GCFC2: variants seen among roughly 807,000 people sequenced by gnomAD.
GCFC2 encodes the protein GC-rich sequence DNA-binding factor 2, also known as intron Large complex component GCFC2.
In GCFC2, 102 loss-of-function variants were observed where a neutral mutation model predicts 99.4. The ratio of observed to expected loss-of-function variants is 1.03; its 90% CI spans 0.87 to 1.21. GCFC2 has a LOEUF of 1.21. Among genes scored for constraint, GCFC2 ranks in the 50% most tolerant of loss-of-function variants. The pLI, the probability that GCFC2 is intolerant of heterozygous loss-of-function variation, is 0.00. For missense variants in GCFC2, 973 were observed against 920.9 expected (o/e 1.06, Z -0.73); for synonymous variants, 338 against 316.8 (o/e 1.07, Z -0.71).
At chr2:75,711,602 T>C (rs554688831), upstream of GCFC2, among the ~76,000 whole-genome samples, 2 of 152,350 alleles carry the variant, frequency 1.3e-5, no homozygotes, top group East Asian at 1.9e-4. Context: ...TGGCGTCATA[T>C]TGAGAGGTGA....
chr2:75,673,097 T>A (rs1679182327), intron 13 of GCFC2, among the ~76,000 whole-genome samples: 1 of 152,034 alleles, frequency 6.6e-6, no homozygotes, highest in Admixed American at 6.6e-5. Flanking sequence ...GATCACAAGG[T>A]CAGGAGATCG....
At chr2:75,670,405 G>A (rs1335151162) in intron 14 of GCFC2, 121 bp from the exon 15 acceptor site, 2 of 602,908 alleles carry the variant, frequency 3.3e-6, no homozygotes, top group Non-Finnish European at 5.9e-6. Context: ...TGTTGGAACT[G>A]TCAATTTTAG....
chr2:75,699,936 T>A (rs549258881), intron 4 of GCFC2, among the ~76,000 whole-genome samples: 167 of 151,042 alleles, frequency 1.1e-3, no homozygotes, highest in African/African-American at 3.8e-3. Context: ...GGTCTCACTC[T>A]GTCACCCACG....
chr2:75,687,003 C>A (rs1242777726), intron 11 of GCFC2, among the ~76,000 whole-genome samples: 1 of 151,396 alleles, frequency 6.6e-6, no homozygotes, highest in Non-Finnish European at 1.5e-5. Context: ...GGCACGATCT[C>A]GGCTCACCGC....
intron 11 of GCFC2, among the ~76,000 whole-genome samples, chr2:75,685,855 C>T (rs1011892592): frequency 6.6e-6 from 1 of 152,116 alleles, no homozygotes; most frequent in Non-Finnish European, 1.5e-5. Context: ...GCTAATACAG[C>T]TCCCCACATT....
intron 11 of GCFC2, among the ~76,000 whole-genome samples, chr2:75,685,105 T>C (rs1192672915): frequency 6.6e-6 from 1 of 152,170 alleles, no homozygotes; most frequent in Non-Finnish European, 1.5e-5. Flanking sequence ...AAATACCTAA[T>C]GTAGATGACA....
chr2:75,686,992 T>C (rs1573064706), intron 11 of GCFC2, among the ~76,000 whole-genome samples: 1 of 151,586 alleles, frequency 6.6e-6, no homozygotes, highest in East Asian at 1.9e-4. Flanking sequence ...TGGAGTGCAA[T>C]GGCACGATCT....
At chr2:75,710,444 C>T (rs1309037845) in intron 1 of GCFC2, 147 bp downstream of exon 1, 7 of 1,372,186 alleles carry the variant, frequency 5.1e-6, no homozygotes, top group Non-Finnish European at 6.5e-6. Context: ...CGCTCACTAC[C>T]TTCTGGATAA....
At chr2:75,708,122 TAACA>T (rs1425237141) in intron 1 of GCFC2, among the ~76,000 whole-genome samples, 2 of 152,194 alleles carry the variant, frequency 1.3e-5, no homozygotes, top group Non-Finnish European at 2.9e-5. Flanking sequence ...AAAGAATGAC[TAACA>T]AACCGATTAT....
In GCFC2 at chr2:75,689,180, T is replaced by A; in HGVS notation, c.1385A>T (p.Asp462Val). 6.2e-7 allele frequency: 1 copy of A among 1,604,824 alleles called. No individual in the cohort carries two copies. Among genetic ancestry groups the A allele is most frequent in the Non-Finnish European group, 8.5e-7 (1 of 1,174,346 alleles). The change falls in exon 10 of 17, where the codon GAT becomes GTT. Residue 462 changes from aspartate (D) to valine (V), a missense_variant. Transcript: ENST00000321027. ...KQKKVFEEVQ[D>V]DFCNIQNILL... ...AATATTCTGGATGTTACAAAAATCA[T>A]CTTGCACTTCTTCAAAAACTTTCTT...
chr2:75,696,897 T>A (rs894190426), intron 4 of GCFC2, among the ~76,000 whole-genome samples: 1 of 152,156 alleles, frequency 6.6e-6, no homozygotes, highest in African/African-American at 2.4e-5. Flanking sequence ...GCCATTCTCC[T>A]GCCTCAGCCT....
intron 11 of GCFC2, among the ~76,000 whole-genome samples, 155 bp downstream of exon 11, chr2:75,687,672 C>T (rs913097976): frequency 2.6e-5 from 4 of 152,206 alleles, no homozygotes; most frequent in Admixed American, 6.5e-5. Context: ...AATTTTTTAA[C>T]CACCTTACAT....
At chr2:75,669,623 C>T (rs985621229) in intron 15 of GCFC2, among the ~76,000 whole-genome samples, 1 of 152,024 alleles carries the variant, frequency 6.6e-6, no homozygotes, top group Admixed American at 6.6e-5. Context: ...AGCCATCTAG[C>T]ATCATTTATT....
chr2:75,681,191 T>C (rs1224009370), intron 11 of GCFC2, among the ~76,000 whole-genome samples: 1 of 152,108 alleles, frequency 6.6e-6, no homozygotes, highest in African/African-American at 2.4e-5. Flanking sequence ...GAGATGGACG[T>C]AGAAGGCCGG....
At chr2:75,687,125 G>A (rs1431495739) in intron 11 of GCFC2, among the ~76,000 whole-genome samples, 1 of 152,058 alleles carries the variant, frequency 6.6e-6, no homozygotes, top group African/African-American at 2.4e-5. Context: ...TAGTAGAGAC[G>A]AGGTTTCGCC....
chr2:75,687,164 G>C (rs1362428450), intron 11 of GCFC2, among the ~76,000 whole-genome samples: 1 of 152,108 alleles, frequency 6.6e-6, no homozygotes, highest in Non-Finnish European at 1.5e-5. Context: ...TTGAACTCCT[G>C]ACCTCAGGTG....
At position 75,671,801 on chromosome 2, in the gene GCFC2, C is replaced by T. The variant is rs76454293; in HGVS notation, c.1956+149G>A. The T allele has an allele frequency of 1.5e-3, 557 of 373,120 alleles. 13 individuals are homozygous for T. In the East Asian group the frequency reaches 0.022, roughly 15 times the overall value. The allele number at this position is 373,120 out of a possible 1,614,324, so 23.1% of individuals were successfully genotyped here. A position where few individuals can be genotyped will look rare whatever the true frequency, so the allele number is the denominator to read the frequency against. On this transcript the variant is annotated intron_variant, in intron 14 of 16. Transcript: ENST00000321027. ...TACTATGACTGTTTTTGTGCTACAG[C>T]GGCAGAGTTGAGTAATTCGACAGAG...
chr2:75,676,563 G>T (rs535442342), intron 12 of GCFC2, among the ~76,000 whole-genome samples: 18 of 151,874 alleles, frequency 1.2e-4, no homozygotes, highest in African/African-American at 3.9e-4. Flanking sequence ...TTCCCAGGAA[G>T]GTCTAATCTG....
intron 12 of GCFC2, among the ~76,000 whole-genome samples, chr2:75,679,420 C>T (rs1679475497): frequency 6.6e-6 from 1 of 152,092 alleles, no homozygotes; most frequent in African/African-American, 2.4e-5. Context: ...AATCTACAAT[C>T]TCATCAACAA....
Sources: gnomAD v4.1 joint callset for allele counts (sites outside exome capture counted in the v4.1 genomes callset) on GRCh38, gnomAD v4.1.1 for gene constraint, MANE v1.5 for transcripts, NCBI Gene and HGNC (gene_info 2026-07-23, HGNC 2026-07-21) for gene names.